The following ZNF723 variants were observed in gnomAD, a reference collection of about 807,000 sequenced individuals.
The protein encoded by ZNF723 is zinc finger protein 723, pseudogene.
In ZNF723, 5 loss-of-function variants were observed where a neutral mutation model predicts 9.4. The ratio of observed to expected loss-of-function variants is 0.53; its 90% CI spans 0.28 to 1.12. The LOEUF (loss-of-function observed/expected upper bound fraction) is 1.12. ZNF723 is among the 50% of genes most tolerant of loss of function. The pLI is 0.10. For missense variants in ZNF723, 450 were observed against 501.5 expected, an observed-to-expected ratio of 0.90 and a Z score of 0.98; for synonymous variants, 158 against 168.8, an observed-to-expected ratio of 0.94 and a Z score of 0.49.
At chr19:22,843,716 G>A (rs1967274978) in intron 1 of ZNF723, among the ~76,000 whole-genome samples, 1 of 152,068 alleles carries the variant, frequency 6.6e-6, no homozygotes, top group African/African-American at 2.4e-5. Context: ...ATCACCTGAA[G>A]GGATATTTAT....
At chr19:22,831,266 T>TCAC (rs1830591572), upstream of ZNF723, among the ~76,000 whole-genome samples, 1 of 152,152 alleles carries the variant, frequency 6.6e-6, no homozygotes, top group South Asian at 2.1e-4. Flanking sequence ...CTTTTTAAAG[T>TCAC]TTGGCAATGG....
At chr19:22,839,466 GTT>G (rs34691832) in intron 1 of ZNF723, among the ~76,000 whole-genome samples, 22,697 of 124,198 alleles carry the variant, frequency 0.18, 1,703 homozygotes, top group African/African-American at 0.27. Context: ...TTTTTTTTTG[GTT>G]TTTTTTTTTT....
intron 1 of ZNF723, among the ~76,000 whole-genome samples, chr19:22,839,529 T>C (rs1181051484): frequency 3.3e-5 from 5 of 149,854 alleles, no homozygotes; most frequent in Non-Finnish European, 5.9e-5. Context: ...TGCAGTGGCA[T>C]GATCTCAGCT....
chr19:22,820,273 C>T, the ZNF723 span, among the ~76,000 whole-genome samples: 2 of 152,048 alleles, frequency 1.3e-5, no homozygotes, highest in Non-Finnish European at 2.9e-5. Context: ...CTCATGGGCC[C>T]CCAAACCAGG....
intron 3 of ZNF723, among the ~76,000 whole-genome samples, chr19:22,853,758 G>A (rs531499945): frequency 6.6e-6 from 1 of 152,156 alleles, no homozygotes; most frequent in African/African-American, 2.4e-5. Context: ...GGAATTGCAG[G>A]CACCTGAACC....
chr19:22,847,999 G>T (rs1488396183), intron 1 of ZNF723, among the ~76,000 whole-genome samples: 1 of 151,542 alleles, frequency 6.6e-6, no homozygotes, highest in East Asian at 1.9e-4. Flanking sequence ...CTACTTGGGA[G>T]ACTGAGGCAA....
intron 1 of ZNF723, 25 bp from the exon 2 acceptor site, chr19:22,848,236 A>G (rs753410604): frequency 1.6e-4 from 144 of 875,520 alleles, no homozygotes; most frequent in Non-Finnish European, 2.4e-4. Context: ...ATATGTGTGT[A>G]TGTGTGTGTG....
the ZNF723 span, among the ~76,000 whole-genome samples, chr19:22,813,385 A>G: frequency 1.8e-4 from 28 of 152,142 alleles, no homozygotes; most frequent in Non-Finnish European, 3.7e-4. Flanking sequence ...TTGTGACTCC[A>G]TACTCCTGCC....
At chr19:22,854,365 A>G (rs913321307) in intron 3 of ZNF723, among the ~76,000 whole-genome samples, 1 of 152,066 alleles carries the variant, frequency 6.6e-6, no homozygotes, top group Non-Finnish European at 1.5e-5. Flanking sequence ...CCGTCTTGCC[A>G]CTTTCTGTCT....
At chr19:22,832,503 T>A in intron 1 of ZNF723, 121 bp downstream of exon 1, 1 of 1,111,828 alleles carries the variant, frequency 9.0e-7, no homozygotes, top group Non-Finnish European at 1.3e-6. Context: ...CTCGGAGTTC[T>A]AGCCTGGCCC....
intron 1 of ZNF723, among the ~76,000 whole-genome samples, chr19:22,843,104 G>A (rs1047795501): frequency 3.3e-5 from 5 of 152,200 alleles, no homozygotes; most frequent in Non-Finnish European, 5.9e-5. Flanking sequence ...TGGGACTGGA[G>A]TAGAATATTC....
the ZNF723 span, among the ~76,000 whole-genome samples, chr19:22,821,736 ACT>A: frequency 6.6e-6 from 1 of 152,068 alleles, no homozygotes. Context: ...AGTAATTTTG[ACT>A]CTCTTAGCTA....
chr19:22,844,794 G>C (rs1967287253), intron 1 of ZNF723, among the ~76,000 whole-genome samples: 1 of 152,158 alleles, frequency 6.6e-6, no homozygotes, highest in Non-Finnish European at 1.5e-5. Context: ...AGCCCAGGGG[G>C]AGCATCATCA....
At chr19:22,839,419 A>G (rs551892498) in intron 1 of ZNF723, among the ~76,000 whole-genome samples, 5 of 151,038 alleles carry the variant, frequency 3.3e-5, no homozygotes, top group East Asian at 3.9e-4. Flanking sequence ...CCAGCAGCGT[A>G]TAAGTACTCC....
the ZNF723 span, among the ~76,000 whole-genome samples, chr19:22,812,604 C>T: frequency 6.6e-6 from 1 of 152,088 alleles, no homozygotes. Context: ...AGAAAGCTCT[C>T]GGGTGGTACT....
chr19:22,838,551 C>G (rs1476865910), intron 1 of ZNF723, among the ~76,000 whole-genome samples: 1 of 145,526 alleles, frequency 6.9e-6, no homozygotes, highest in African/African-American at 2.6e-5. Flanking sequence ...GACTCTGTCT[C>G]AAAAAGAAAA....
intron 3 of ZNF723, among the ~76,000 whole-genome samples, chr19:22,849,657 C>G (rs1054913061): frequency 2.0e-5 from 3 of 152,066 alleles, no homozygotes; most frequent in African/African-American, 7.2e-5. Flanking sequence ...ACCAGTAAAC[C>G]CAGCACTTTG....
chr19:22,817,560 G>A, the ZNF723 span, among the ~76,000 whole-genome samples: 1 of 152,036 alleles, frequency 6.6e-6, no homozygotes, highest in South Asian at 2.1e-4. Context: ...CCAGCACTGA[G>A]GTGATGTGAC....
the ZNF723 span, among the ~76,000 whole-genome samples, chr19:22,821,206 A>G: frequency 6.6e-6 from 1 of 152,122 alleles, no homozygotes; most frequent in South Asian, 2.1e-4. Context: ...TTTGAATCTC[A>G]TTTCTGGACC....
Sources: gnomAD v4.1 joint callset for allele counts (sites outside exome capture counted in the v4.1 genomes callset) on GRCh38, gnomAD v4.1.1 for gene constraint, MANE v1.5 for transcripts, NCBI Gene and HGNC (gene_info 2026-07-23, HGNC 2026-07-21) for gene names.